ELMO2: variants seen among roughly 807,000 people sequenced by gnomAD.
ELMO2 encodes the protein engulfment and cell motility protein 2.
In ELMO2, 37 loss-of-function variants were observed where a neutral mutation model predicts 96.2. The ratio of observed to expected loss-of-function variants is 0.38; its 90% confidence interval spans 0.30 to 0.51. ELMO2 has a LOEUF of 0.51. Ranked by LOEUF, ELMO2 falls within the 20% of genes least tolerant of loss-of-function variation. ELMO2 has a pLI of 0.88. For synonymous variants in ELMO2, 315 were observed against 329.4 expected, an observed-to-expected ratio of 0.96 and a Z score of 0.47; for missense variants, 561 against 912.6, an observed-to-expected ratio of 0.61 and a Z score of 4.96.
At position 46,383,411 on chromosome 20, in the gene ELMO2, C is replaced by A; in HGVS notation, c.756+5G>T. 1.2e-6 allele frequency: 2 copies of A among 1,613,906 alleles called. No homozygotes were observed. On this transcript the variant is annotated splice_donor_5th_base_variant and intron_variant, in intron 10 of 21. Coordinates refer to ENST00000290246, the MANE Select transcript of ELMO2 (RefSeq NM_133171.5). ...GATGAAAAATGTGAAAAGGCAGCCA[C>A]AGACCTGTCGTTTGTCCTCAGGAGC...
At chr20:46,370,548 C>G in intron 19 of ELMO2, 23 bp from the exon 20 acceptor site, 8 of 1,610,102 alleles carry the variant, frequency 5.0e-6, no homozygotes, top group Non-Finnish European at 6.8e-6. Context: ...GGGAATTAGT[C>G]TCTGGAAGTT....
chr20:46,375,095 C>T lies in ELMO2; in HGVS notation c.1065+141G>A. 8.5e-7 allele frequency: 1 copy of T among 1,178,872 alleles called. No homozygotes were observed. Among genetic ancestry groups the T allele is most frequent in the South Asian group, 1.5e-5 (1 of 65,400 alleles). The allele number at this position is 1,178,872 out of a possible 1,614,324, so 73.0% of individuals were successfully genotyped here. A position where few individuals can be genotyped will look rare whatever the true frequency, so the allele number is the denominator to read the frequency against. On this transcript the variant is annotated intron_variant, in intron 13 of 21. Coordinates refer to ENST00000290246, the MANE Select transcript of ELMO2 (RefSeq NM_133171.5). This position sits in a 1 kb window ranked among gnomAD's most constrained non-coding sequence, Gnocchi z 4.6. ...CTCACCATCAACAAAGCAAAGCAAG[C>T]ATTAAAGCTCCACCAGCTTCCTAAC...
intron 6 of ELMO2, among the ~76,000 whole-genome samples, chr20:46,391,791 G>C (rs1018660972): frequency 1.3e-5 from 2 of 152,208 alleles, no homozygotes; most frequent in Admixed American, 6.5e-5. Context: ...GAAAGGTGGG[G>C]AACTGGGCAG....
Position 46,367,175 on chromosome 20 carries a change from TTAG to T in ELMO2, c.*182_*184del, listed in dbSNP as rs2059599919. ...GCAGAGCACCCTGCCTTCATGACTC[TTAG>T]TAGACAGGGACCAAGAGGAAACTCT... On this transcript the variant is annotated 3_prime_UTR_variant, in exon 22 of 22. Transcript: ENST00000290246. 1.9e-6 allele frequency: 1 copy of T among 540,144 alleles called. No individual in the cohort carries two copies. 33.5% of individuals were successfully genotyped at this position (540,144 alleles called of 1,614,324 possible).
intron 2 of ELMO2, among the ~76,000 whole-genome samples, chr20:46,395,558 A>T (rs565114990): frequency 6.6e-6 from 1 of 152,304 alleles, no homozygotes; most frequent in South Asian, 2.1e-4. Flanking sequence ...TGGCGTACAA[A>T]GCATAGCTGT....
chr20:46,370,758 GAGGGTCACTTC>G (rs2059686249), intron 19 of ELMO2, among the ~76,000 whole-genome samples: 1 of 152,176 alleles, frequency 6.6e-6, no homozygotes, highest in Non-Finnish European at 1.5e-5. Context: ...AAAGCTAACT[GAGGGTCACTTC>G]AGGGCTCTTG....
chr20:46,401,255 G>C (rs754253915), intron 1 of ELMO2, among the ~76,000 whole-genome samples: 8 of 152,112 alleles, frequency 5.3e-5, no homozygotes, highest in African/African-American at 1.7e-4. Context: ...ACTGAATGAC[G>C]ATCAGACTCT....
intron 20 of ELMO2, 193 bp downstream of exon 20, chr20:46,370,250 C>T: frequency 1.5e-6 from 1 of 689,292 alleles, no homozygotes; most frequent in Non-Finnish European, 2.7e-6. Context: ...ATGGGCAGAA[C>T]TGGCCATGGT....
Position 46,394,971 on chromosome 20 carries a change from G to C in ELMO2, c.-50-439C>G, listed in dbSNP as rs1225623676. On this transcript the variant is annotated intron_variant, in intron 2 of 21. Coordinates refer to ENST00000290246, the MANE Select transcript of ELMO2 (RefSeq NM_133171.5). ...CTGCAGTCATCCTAGGAAGATCCCA[G>C]CATCAGCAGGGCCCAGCTACATGCT... Among the ~76,000 whole-genome samples, 4 of 152,302 alleles carry C rather than the reference G, an allele frequency of 2.6e-5. No homozygotes were observed. In the East Asian group the frequency reaches 7.7e-4, roughly 29 times the overall value.
intron 15 of ELMO2, 54 bp downstream of exon 15, chr20:46,374,278 C>CTGAGCTCT: frequency 6.8e-7 from 1 of 1,465,230 alleles, no homozygotes. Context: ...TTGAGTCTCA[C>CTGAGCTCT]TGAGCTCTTG....
chr20:46,367,205 G>C lies in ELMO2; in HGVS notation c.*155C>G, dbSNP rs1475327837. 4.7e-6 allele frequency: 3 copies of C among 639,022 alleles called. No homozygotes were observed. Among genetic ancestry groups the C allele is most frequent in the Non-Finnish European group, 7.5e-6 (3 of 400,458 alleles). 39.6% of individuals were successfully genotyped at this position (639,022 alleles called of 1,614,324 possible). A position where few individuals can be genotyped will look rare whatever the true frequency, so the allele number is the denominator to read the frequency against. On this transcript the variant is annotated 3_prime_UTR_variant, in exon 22 of 22. Coordinates refer to ENST00000290246, the MANE Select transcript of ELMO2 (RefSeq NM_133171.5). ...AGACAGGGACCAAGAGGAAACTCTG[G>C]GTGGTCCGAGGTGGGTTTGAGAAAT...
At chr20:46,368,783 CA>C in intron 21 of ELMO2, 107 bp downstream of exon 21, 2 of 1,153,534 alleles carry the variant, frequency 1.7e-6, no homozygotes, top group Non-Finnish European at 2.6e-6. Flanking sequence ...CTTCAATATA[CA>C]CTGCAGCCAC....
chr20:46,398,553 T>G (rs2060285207), intron 2 of ELMO2, 144 bp downstream of exon 2: 1 of 152,224 alleles, frequency 6.6e-6, no homozygotes, highest in Non-Finnish European at 1.5e-5. Flanking sequence ...CCTCAGGTGA[T>G]CCATCTGCCT....
chr20:46,371,679 C>G lies in ELMO2; in HGVS notation c.1593G>C (p.Glu531Asp), dbSNP rs757057713. 1 of 1,613,920 alleles carries G rather than the reference C, an allele frequency of 6.2e-7. No individual in the cohort carries two copies. The highest frequency in any genetic ancestry group is 1.7e-5 in the Admixed American group (1 of 60,020). The change falls in exon 18 of 22, where the codon GAG (glutamate) becomes GAC (aspartate). Residue 531 changes from glutamate to aspartate, a missense_variant. By Grantham distance (45) the Glu-to-Asp change is conservative. Transcript: ENST00000290246. This position sits in a 1 kb window ranked among gnomAD's most constrained non-coding sequence, Gnocchi z 5.9. ...FQSPPIVELR[E>D]KIQPEILELI... The stretch of plus-strand genomic sequence containing the variant: ...GCTCAAGGATCTCGGGCTGGATCTT[C>G]TCCCTCAGCTCCCTGGGGTGGACAC...
intron 1 of ELMO2, among the ~76,000 whole-genome samples, chr20:46,403,092 T>C (rs2060362366): frequency 6.6e-6 from 1 of 152,218 alleles, no homozygotes. Flanking sequence ...AATAGCAGAA[T>C]TCTAACCGTG....
chr20:46,393,402 G>C (rs2258924), intron 5 of ELMO2, 127 bp downstream of exon 5: 9 of 1,120,610 alleles, frequency 8.0e-6, no homozygotes, highest in Non-Finnish European at 1.2e-5. Flanking sequence ...CAGTCTGTCC[G>C]GAGAGTGACT....
chr20:46,374,585 A>G lies in ELMO2; in HGVS notation c.1121T>C (p.Leu374Ser). 2 of 1,614,216 alleles carry G rather than the reference A, an allele frequency of 1.2e-6. No homozygotes were observed. The highest frequency in any genetic ancestry group is 1.7e-6 in the Non-Finnish European group (2 of 1,180,044). ...FTQTPPGMLA[L>S]DNMLYLAKVH... ...TTTAGCCAAGTACAGCATGTTGTCC[A>G]AGGCCAGCATTCCAGGAGGAGTCTG... The change falls in exon 14 of 22, where the codon TTG becomes TCG. Residue 374 changes from leucine (L) to serine (S), a missense_variant. Leu to Ser is a moderately radical substitution (Grantham distance 145, BLOSUM62 -2). Coordinates refer to ENST00000290246, the MANE Select transcript of ELMO2 (RefSeq NM_133171.5).
In ELMO2 at chr20:46,374,537, C is replaced by T. The variant is rs1448574516; in HGVS notation, c.1169G>A (p.Arg390Gln). The T allele has an allele frequency of 6.2e-7, 1 of 1,614,050 alleles. No individual in the cohort carries two copies. Among genetic ancestry groups the T allele is most frequent in the Non-Finnish European group, 8.5e-7 (1 of 1,179,942 alleles). ...LAKVHQDTYI[R>Q]IVLENSSRED... ...GAAGGCCAGCTCCCCTGCCTTTACCCGGATGTAGGTGTCCTGGTGGACTTT... is the reference window on the plus strand; with the variant it reads ...GAAGGCCAGCTCCCCTGCCTTTACCTGGATGTAGGTGTCCTGGTGGACTTT... The change falls in exon 14 of 22, where the codon CGG (arginine) becomes CAG (glutamine). Residue 390 changes from arginine to glutamine, a missense_variant and splice_region_variant. Transcript: ENST00000290246.
At chr20:46,398,814 G>C (rs552532883) in intron 1 of ELMO2, 43 bp from the exon 2 acceptor site, 1 of 152,276 alleles carries the variant, frequency 6.6e-6, no homozygotes, top group African/African-American at 2.4e-5. Context: ...GGAGGGAAAA[G>C]AAATAAAACT....
Sources: gnomAD v4.1 joint callset for allele counts (sites outside exome capture counted in the v4.1 genomes callset) on GRCh38, gnomAD v4.1.1 for gene constraint, Gnocchi (gnomAD v3.1) non-coding constraint, MANE v1.5 for transcripts, NCBI Gene and HGNC (gene_info 2026-07-23, HGNC 2026-07-21) for gene names.